The following CCDC13 variants were observed in gnomAD, a reference collection of about 807,000 sequenced individuals.
CCDC13 encodes the protein coiled-coil domain containing 13.
A neutral mutation model predicts 87.3 loss-of-function variants in CCDC13; 70 were observed. That is an observed-to-expected ratio of 0.80 (90% CI 0.66 to 0.98). The LOEUF is 0.98. CCDC13 is among the 50% of genes least tolerant of loss of function. The pLI is 0.00. For synonymous variants in CCDC13, 317 were observed against 360.3 expected, an observed-to-expected ratio of 0.88 and a Z score of 1.36; for missense variants, 842 against 892.0, an observed-to-expected ratio of 0.94 and a Z score of 0.71.
Position 42,743,024 on chromosome 3 carries a change from G to A in CCDC13, c.859C>T (p.Arg287Trp), listed in dbSNP as rs188687471. 154 of 1,614,134 alleles carry A rather than the reference G, an allele frequency of 9.5e-5. No individual in the cohort carries two copies. The African/African-American group carries it at 1.7e-3, about 18-fold the overall frequency. Residue 287 changes from arginine (R) to tryptophan (W), a missense_variant, in exon 8 of 16, where the codon CGG becomes TGG. Arg to Trp is a moderately radical substitution (Grantham distance 101, BLOSUM62 -3). Coordinates refer to ENST00000310232, the MANE Select transcript of CCDC13 (RefSeq NM_144719.4). ...QELEKQLGQA[R>W]SQSAGTASDE... ...CTGGCTGTTCCCGCAGACTGGCTCC[G>A]GGCCTGGCCCAATTGCTTCTCAAGC...
At chr3:42,718,645 T>C (rs1698486338) in intron 13 of CCDC13, among the ~76,000 whole-genome samples, 1 of 151,892 alleles carries the variant, frequency 6.6e-6, no homozygotes, top group East Asian at 1.9e-4. Flanking sequence ...AACTCAAAGG[T>C]TAACTTTGCA....
intron 13 of CCDC13, 101 bp from the exon 14 acceptor site, chr3:42,713,417 G>C: frequency 8.8e-7 from 1 of 1,140,268 alleles, no homozygotes; most frequent in Non-Finnish European, 1.3e-6. Context: ...ATCTTACATT[G>C]GTAGTGATGG....
intron 1 of CCDC13, among the ~76,000 whole-genome samples, chr3:42,772,165 G>A (rs116195504): frequency 0.018 from 2,749 of 149,898 alleles, 78 homozygotes; most frequent in African/African-American, 0.064. Context: ...CCAGCTACTC[G>A]AGCCCAAGGC....
chr3:42,756,721 A>G (rs767129607), intron 3 of CCDC13, among the ~76,000 whole-genome samples: 7 of 152,044 alleles, frequency 4.6e-5, no homozygotes, highest in Non-Finnish European at 8.8e-5. Context: ...CCAAGGAGAA[A>G]TGGATCCTGC....
At chr3:42,751,464 T>C (rs1250307911) in intron 5 of CCDC13, among the ~76,000 whole-genome samples, 4 of 152,224 alleles carry the variant, frequency 2.6e-5, no homozygotes, top group Admixed American at 2.0e-4. Flanking sequence ...AAAGGGAAAG[T>C]GTTCATAATA....
intron 9 of CCDC13, 100 bp downstream of exon 9, chr3:42,739,534 G>T: frequency 7.7e-7 from 1 of 1,301,152 alleles, no homozygotes; most frequent in Non-Finnish European, 1.1e-6. Context: ...TACACAGGTG[G>T]CATTGAGGGG....
At chr3:42,764,519 C>T (rs1428095192) in intron 1 of CCDC13, among the ~76,000 whole-genome samples, 1 of 152,256 alleles carries the variant, frequency 6.6e-6, no homozygotes, top group Non-Finnish European at 1.5e-5. Flanking sequence ...TCCCTGCCAC[C>T]TCCAGATGCT....
At position 42,758,228 on chromosome 3, in the gene CCDC13, G is replaced by A. The variant is rs778360015; in HGVS notation, c.118C>T (p.Leu40Phe). 1.2e-5 allele frequency: 20 copies of A among 1,614,000 alleles called. No individual in the cohort carries two copies. The highest frequency in any genetic ancestry group is 1.6e-5 in the Non-Finnish European group (19 of 1,180,030). ...MEKKREKELS[L>F]KSRADDQEEP... Reference sequence around the variant, plus strand: ...TCTTGGTCGTCAGCTCTGCTTTTGAGGCTCAGTTCTTTTTCCCTCTTTTTC... The same window carrying A: ...TCTTGGTCGTCAGCTCTGCTTTTGAAGCTCAGTTCTTTTTCCCTCTTTTTC... Residue 40 changes from leucine to phenylalanine, a missense_variant, in exon 2 of 16, where the codon CTC becomes TTC. By Grantham distance (22) the Leu-to-Phe change is conservative (BLOSUM62 0). Coordinates refer to ENST00000310232, the MANE Select transcript of CCDC13 (RefSeq NM_144719.4).
In CCDC13 at chr3:42,707,495, C is replaced by T. The variant is rs1229769888; in HGVS notation, c.*1485G>A. Among the ~76,000 whole-genome samples, 1 of 152,182 alleles carries T rather than the reference C, an allele frequency of 6.6e-6. No homozygotes were observed. The highest frequency in any genetic ancestry group is 2.4e-5 in the African/African-American group (1 of 41,454). On this transcript the variant is annotated 3_prime_UTR_variant, in exon 16 of 16. Transcript: ENST00000310232. ...CTAGGGTCCCTCCATAGCCCCATCC[C>T]CAAGGAAGGGGCTGAGAAGACAGGG... is the stretch of plus-strand genomic sequence containing the variant.
At chr3:42,745,247 A>G (rs890646843) in intron 7 of CCDC13, 1 of 152,170 alleles carries the variant, frequency 6.6e-6, no homozygotes, top group Admixed American at 6.5e-5. Flanking sequence ...AACCACACCT[A>G]ACTTTTATAC....
At chr3:42,729,284 C>G (rs1215819617) in intron 13 of CCDC13, among the ~76,000 whole-genome samples, 6 of 152,218 alleles carry the variant, frequency 3.9e-5, no homozygotes, top group Non-Finnish European at 8.8e-5. Flanking sequence ...CTTGTACTAT[C>G]CATTACATTC....
intron 7 of CCDC13, 96 bp from the exon 8 acceptor site, chr3:42,743,153 C>T (rs1196949842): frequency 3.6e-6 from 5 of 1,399,290 alleles, no homozygotes; most frequent in African/African-American, 1.4e-5. Flanking sequence ...GAAGATGGAA[C>T]CACCTCTCTA....
rs1698530272 is a variant in CCDC13 at position 42,720,257 on chromosome 3, TA to T, written c.1719-6942del. Among the ~76,000 whole-genome samples, 3 of 152,060 alleles carry T rather than the reference TA, an allele frequency of 2.0e-5. No individual in the cohort carries two copies. The South Asian group carries it at 6.2e-4, about 31-fold the overall frequency. ...TCCTAAAGTAAAATGACTAGTTGTT[TA>T]AAAAAAGGGAATTTACGCAAGAAAT... is the stretch of plus-strand genomic sequence containing the variant. On this transcript the variant is annotated intron_variant, in intron 13 of 15. Coordinates refer to ENST00000310232, the MANE Select transcript of CCDC13 (RefSeq NM_144719.4).
At position 42,735,859 on chromosome 3, in the gene CCDC13, TCTC is replaced by T. The variant is rs780647548; in HGVS notation, c.1216_1218del (p.Glu406del). On this transcript the variant is annotated inframe_deletion, in exon 10 of 16. Coordinates refer to ENST00000310232, the MANE Select transcript of CCDC13 (RefSeq NM_144719.4). ...AGGTGGTGCTGGGACACTCGCGTTT[TCTC>T]CTCCTGCAGACTCAGGCTGCCTAGG... The T allele has an allele frequency of 6.2e-7, 1 of 1,614,216 alleles. No homozygotes were observed. The highest frequency in any genetic ancestry group is 1.1e-5 in the South Asian group (1 of 91,086).
chr3:42,772,267 C>CAA lies in CCDC13; in HGVS notation c.-7+907_-7+908dup, dbSNP rs869064282. Among the ~76,000 whole-genome samples, 29 of 113,846 alleles carry CAA rather than the reference C, an allele frequency of 2.5e-4. 1 individual carries two copies. Among genetic ancestry groups the CAA allele is most frequent in the African/African-American group, 8.9e-4 (26 of 29,224 alleles). The allele number at this position is 113,846 out of a possible 152,430, so 74.7% of individuals were successfully genotyped here. A position where few individuals can be genotyped will look rare whatever the true frequency, so the allele number is the denominator to read the frequency against. The stretch of plus-strand genomic sequence containing the variant: ...CCTGGGCGATAGAGCGAGACTCCGT[C>CAA]AAAAAAAAAAAAAAAAAAAAAAAGT... On this transcript the variant is annotated intron_variant, in intron 1 of 15. Coordinates refer to ENST00000310232, the MANE Select transcript of CCDC13 (RefSeq NM_144719.4).
At chr3:42,728,065 T>C (rs1299883910) in intron 13 of CCDC13, among the ~76,000 whole-genome samples, 1 of 152,254 alleles carries the variant, frequency 6.6e-6, no homozygotes, top group African/African-American at 2.4e-5. Flanking sequence ...TTTGTCATGG[T>C]GGACTAACCA....
At chr3:42,743,266 A>G (rs918565254) in intron 7 of CCDC13, among the ~76,000 whole-genome samples, 2 of 152,092 alleles carry the variant, frequency 1.3e-5, no homozygotes, top group African/African-American at 4.8e-5. Context: ...TTCAGCTTAG[A>G]AAAATGGTGA....
Position 42,733,593 on chromosome 3 carries a change from C to T in CCDC13, c.1388G>A (p.Gly463Glu). Residue 463 changes from glycine (G) to glutamate (E), a missense_variant, in exon 11 of 16, where the codon GGA becomes GAA. Physicochemically the swap from Gly to Glu is moderately conservative, Grantham distance 98. Transcript: ENST00000310232. ...QLNVHYLRNK[G>E]VGEGSSGREV... is the part of the protein sequence containing the mutation. ...GCGGCCACTGGACCCCTCACCCACT[C>T]CTTTATTCCGAAGATACTGTAGGAA... The T allele has an allele frequency of 1.9e-6, 3 of 1,609,184 alleles. No homozygotes were observed. The highest frequency in any genetic ancestry group is 2.2e-5 in the East Asian group (1 of 44,758).
In CCDC13 at chr3:42,708,738, C is replaced by A; in HGVS notation, c.*242G>T. On this transcript the variant is annotated 3_prime_UTR_variant, in exon 16 of 16. Transcript: ENST00000310232. Reference sequence around the variant, plus strand: ...TCGCCTCTGCCAGTGGGCTGCTGGGCCTCCCTGCTGCTGTAACCCAGCCAG... The same window carrying A: ...TCGCCTCTGCCAGTGGGCTGCTGGGACTCCCTGCTGCTGTAACCCAGCCAG... 2.4e-6 allele frequency: 1 copy of A among 413,972 alleles called. No individual in the cohort carries two copies. The highest frequency in any genetic ancestry group is 4.2e-5 in the East Asian group (1 of 23,654). The allele number at this position is 413,972 out of a possible 1,614,324, so 25.6% of individuals were successfully genotyped here.
Sources: allele counts gnomAD v4.1 joint callset (sites outside exome capture counted in the v4.1 genomes callset), GRCh38; gene constraint gnomAD v4.1.1; transcripts MANE v1.5; gene names NCBI Gene and HGNC (gene_info 2026-07-23, HGNC 2026-07-21).